SLC11A2: variants seen among roughly 807,000 people sequenced by gnomAD.
SLC11A2 encodes the protein natural resistance-associated macrophage protein 2.
Under a neutral mutation model 68.0 loss-of-function variants are expected in SLC11A2, and 38 were observed. The ratio of observed to expected loss-of-function variants is 0.56; its 90% CI spans 0.43 to 0.73. The LOEUF is 0.73. SLC11A2 is among the 30% of genes least tolerant of loss of function. The pLI, the probability that SLC11A2 is intolerant of heterozygous loss-of-function variation, is 0.00. For missense variants in SLC11A2, 517 were observed against 690.5 expected (o/e 0.75, Z 2.82); for synonymous variants, 242 against 250.6 (o/e 0.97, Z 0.32).
the SLC11A2 span, among the ~76,000 whole-genome samples, chr12:50,958,390 T>G: frequency 6.6e-6 from 1 of 150,432 alleles, no homozygotes; most frequent in South Asian, 2.1e-4. Flanking sequence ...CACACCATTC[T>G]CCTGTCTCAG....
chr12:50,994,366 A>C (rs566060794), intron 11 of SLC11A2, among the ~76,000 whole-genome samples, 178 bp downstream of exon 11: 1 of 152,180 alleles, frequency 6.6e-6, no homozygotes, highest in South Asian at 2.1e-4. Context: ...TATCTTTTCA[A>C]CTGATCCTCT....
the SLC11A2 span, among the ~76,000 whole-genome samples, chr12:50,954,878 A>G: frequency 6.6e-6 from 1 of 152,166 alleles, no homozygotes; most frequent in Non-Finnish European, 1.5e-5. Flanking sequence ...CTATCTGAAC[A>G]CTTGTGAGCA....
the SLC11A2 span, among the ~76,000 whole-genome samples, chr12:50,955,930 A>C: frequency 6.6e-6 from 1 of 152,226 alleles, no homozygotes; most frequent in South Asian, 2.1e-4. Context: ...GGAAAGATAA[A>C]AGTGTTTCCA....
chr12:50,975,039 T>C (rs1939830757), downstream of SLC11A2, among the ~76,000 whole-genome samples: 2 of 152,248 alleles, frequency 1.3e-5, no homozygotes, highest in South Asian at 4.1e-4. Flanking sequence ...ACAATAATAA[T>C]GGGAGACTTT....
At chr12:51,000,675 C>G (rs1416940317) in intron 5 of SLC11A2, 2 of 585,498 alleles carry the variant, frequency 3.4e-6, no homozygotes, top group Non-Finnish European at 6.0e-6. Context: ...TTACTTTTTT[C>G]TTTTTCCTTT....
the SLC11A2 span, among the ~76,000 whole-genome samples, chr12:50,960,101 C>G: frequency 6.6e-6 from 1 of 152,216 alleles, no homozygotes; most frequent in Non-Finnish European, 1.5e-5. Flanking sequence ...TATATTCACC[C>G]CTTGACATTT....
chr12:51,016,081 C>G (rs1943626532), intron 1 of SLC11A2, among the ~76,000 whole-genome samples: 1 of 152,088 alleles, frequency 6.6e-6, no homozygotes, highest in Non-Finnish European at 1.5e-5. Context: ...CCATGCCCAG[C>G]CTATTTTATC....
At chr12:50,965,647 C>T in the SLC11A2 span, among the ~76,000 whole-genome samples, 1 of 152,098 alleles carries the variant, frequency 6.6e-6, no homozygotes, top group Non-Finnish European at 1.5e-5. Flanking sequence ...CTCCACAAAC[C>T]CCTACTTTGA....
Position 50,986,222 on chromosome 12 carries a change from A to G in SLC11A2, c.*2103T>C. On this transcript the variant is annotated 3_prime_UTR_variant, in exon 16 of 16. Coordinates refer to ENST00000262052, the MANE Select transcript of SLC11A2 (RefSeq NM_000617.3). ...TATAAAGTACAATTGTATATCCTTA[A>G]ACATTCCACATAAACACACTGTCAA... 6.2e-6 allele frequency: 8 copies of G among 1,283,194 alleles called. No individual in the cohort carries two copies. The highest frequency in any genetic ancestry group is 8.1e-6 in the Non-Finnish European group (8 of 984,946). The allele number at this position is 1,283,194 out of a possible 1,614,324, so 79.5% of individuals were successfully genotyped here.
At chr12:51,003,191 C>T (rs1307147759) in intron 5 of SLC11A2, among the ~76,000 whole-genome samples, 2 of 151,800 alleles carry the variant, frequency 1.3e-5, no homozygotes, top group Middle Eastern at 3.2e-3. Flanking sequence ...GCTGAGATCA[C>T]GCCACTGCAC....
intron 15 of SLC11A2, among the ~76,000 whole-genome samples, chr12:50,990,396 T>A (rs1941032667): frequency 6.6e-6 from 1 of 152,200 alleles, no homozygotes; most frequent in South Asian, 2.1e-4. Flanking sequence ...TACTCTCTTG[T>A]TAGGAATTAC....
the SLC11A2 span, among the ~76,000 whole-genome samples, chr12:50,971,285 T>G: frequency 6.6e-6 from 1 of 152,180 alleles, no homozygotes; most frequent in Non-Finnish European, 1.5e-5. Context: ...TTAGAATGGG[T>G]AATAATGACA....
At chr12:50,989,134 G>T (rs1288431552) in intron 15 of SLC11A2, among the ~76,000 whole-genome samples, 1 of 151,702 alleles carries the variant, frequency 6.6e-6, no homozygotes, top group Non-Finnish European at 1.5e-5. Flanking sequence ...GCTGCTCTAT[G>T]AAGTTCCTGT....
Position 50,987,202 on chromosome 12 carries a change from C to G in SLC11A2, c.*1123G>C, listed in dbSNP as rs1565979786. ...GAGGAAACAGCTGTAGAGAGGTAGC[C>G]CAGTTCAACTTTGCTGAGACAGTGA... On this transcript the variant is annotated 3_prime_UTR_variant, in exon 16 of 16. Coordinates refer to ENST00000262052, the MANE Select transcript of SLC11A2 (RefSeq NM_000617.3). 1.6e-6 allele frequency: 2 copies of G among 1,286,920 alleles called. No individual in the cohort carries two copies. Among genetic ancestry groups the G allele is most frequent in the East Asian group, 5.6e-5 (1 of 18,006 alleles). 79.7% of individuals were successfully genotyped at this position (1,286,920 alleles called of 1,614,324 possible). A position where few individuals can be genotyped will look rare whatever the true frequency, so the allele number is the denominator to read the frequency against.
intron 1 of SLC11A2, among the ~76,000 whole-genome samples, chr12:51,022,456 A>T (rs1944112571): frequency 8.5e-6 from 1 of 117,832 alleles, no homozygotes; most frequent in African/African-American, 3.1e-5. Context: ...AAAAAAAAAA[A>T]ATCCCCTATT....
At position 50,994,342 on chromosome 12, in the gene SLC11A2, C is replaced by G. The variant is rs11169657; in HGVS notation, c.1077+202G>C. ...GATTACAGGCGTGAACCACCGCACCCGGCCTGTATTATATATCTTTTCAAC... is the reference window on the plus strand; with the variant it reads ...GATTACAGGCGTGAACCACCGCACCGGGCCTGTATTATATATCTTTTCAAC... On this transcript the variant is annotated intron_variant, in intron 11 of 15. Coordinates refer to ENST00000262052, the MANE Select transcript of SLC11A2 (RefSeq NM_000617.3). Among the ~76,000 whole-genome samples the G allele has an allele frequency of 5.7e-3, 867 of 152,022 alleles. 4 individuals are homozygous for G. Among genetic ancestry groups the G allele is most frequent in the Non-Finnish European group, 9.7e-3 (658 of 67,956 alleles).
the SLC11A2 span, among the ~76,000 whole-genome samples, chr12:50,962,899 A>G: frequency 6.6e-6 from 1 of 152,178 alleles, no homozygotes; most frequent in African/African-American, 2.4e-5. Context: ...ATGGCATGTA[A>G]GTGGAACTCT....
At chr12:51,013,290 T>C (rs1287117796) in intron 1 of SLC11A2, among the ~76,000 whole-genome samples, 3 of 31,836 alleles carry the variant, frequency 9.4e-5, no homozygotes, top group South Asian at 1.1e-3. Flanking sequence ...ATTAAATTGC[T>C]TTTTTTTTTT....
At chr12:50,960,485 G>C in the SLC11A2 span, among the ~76,000 whole-genome samples, 27 of 152,270 alleles carry the variant, frequency 1.8e-4, no homozygotes, top group African/African-American at 6.0e-4. Context: ...TCTGGGAAGA[G>C]TCAAAACTGC....
Sources: allele counts gnomAD v4.1 joint callset (sites outside exome capture counted in the v4.1 genomes callset), GRCh38; gene constraint gnomAD v4.1.1; transcripts MANE v1.5; gene names NCBI Gene and HGNC (gene_info 2026-07-23, HGNC 2026-07-21).